CLNK: variants seen among roughly 807,000 people sequenced by gnomAD.
The protein encoded by CLNK is cytokine-dependent hematopoietic cell linker.
CLNK carries 74 observed loss-of-function variants against 68.6 expected under a neutral mutation model. The observed-to-expected ratio is 1.08, with a 90% CI of 0.89 to 1.31. The LOEUF (loss-of-function observed/expected upper bound fraction) is 1.31. Ranked by LOEUF, CLNK falls within the 50% of genes most tolerant of loss-of-function variation. The probability of loss-of-function intolerance (pLI) is 0.00; values close to 1 mark genes in which losing one functional copy is unlikely to be tolerated. For missense variants in CLNK, 553 were observed against 515.3 expected (o/e 1.07, Z -0.71); for synonymous variants, 198 against 172.2 (o/e 1.15, Z -1.17).
chr4:10,563,271 T>G (rs1719969729), intron 7 of CLNK, among the ~76,000 whole-genome samples: 3 of 152,222 alleles, frequency 2.0e-5, no homozygotes, highest in African/African-American at 7.2e-5. Context: ...GTGAAATCCC[T>G]TTTTAAAAAA....
chr4:10,563,210 A>G (rs1463614249), intron 7 of CLNK, among the ~76,000 whole-genome samples: 4 of 152,244 alleles, frequency 2.6e-5, no homozygotes, highest in Non-Finnish European at 4.4e-5. Flanking sequence ...AGGAATATTC[A>G]AAAGCAGGTT....
intron 2 of CLNK, among the ~76,000 whole-genome samples, chr4:10,618,736 C>A (rs1722321245): frequency 6.6e-6 from 1 of 151,912 alleles, no homozygotes; most frequent in Admixed American, 6.5e-5. Flanking sequence ...GAAGCAGGAG[C>A]AGGAAAGAAA....
chr4:10,528,324 G>A (rs1718403282), intron 12 of CLNK, among the ~76,000 whole-genome samples: 1 of 152,050 alleles, frequency 6.6e-6, no homozygotes, highest in Non-Finnish European at 1.5e-5. Context: ...TCGGCTGATG[G>A]GACTATCAAT....
intron 8 of CLNK, among the ~76,000 whole-genome samples, chr4:10,553,026 T>TC (rs1719521681): frequency 2.7e-5 from 4 of 148,104 alleles, no homozygotes; most frequent in Non-Finnish European, 5.9e-5. Flanking sequence ...TGTTCATCGC[T>TC]CCCCCAGGGA....
chr4:10,584,964 G>A lies in CLNK; in HGVS notation c.84-9C>T. The A allele has an allele frequency of 6.2e-7, 1 of 1,613,562 alleles. No homozygotes were observed. The highest frequency in any genetic ancestry group is 1.6e-4 in the Middle Eastern group (1 of 6,062). ...TGATGCGAGGCCATGACCTAGGGCA[G>A]AAAAGAGAACCAAGTTAAATGTCCA... On this transcript the variant is annotated splice_polypyrimidine_tract_variant and intron_variant, in intron 3 of 18. Coordinates refer to ENST00000226951, the MANE Select transcript of CLNK (RefSeq NM_052964.4).
intron 2 of CLNK, among the ~76,000 whole-genome samples, chr4:10,654,784 T>A (rs1723896652): frequency 6.6e-6 from 1 of 152,004 alleles, no homozygotes; most frequent in African/African-American, 2.4e-5. Flanking sequence ...ATTTACAATA[T>A]CATTAAAATA....
chr4:10,618,718 C>CCACGGCAGAAG (rs1361373166), intron 2 of CLNK, among the ~76,000 whole-genome samples: 190 of 152,272 alleles, frequency 1.2e-3, no homozygotes, highest in African/African-American at 4.5e-3. Flanking sequence ...GGCACATCTT[C>CCACGGCAGAAG]CATGGCAGAA....
At position 10,644,812 on chromosome 4, in the gene CLNK, T is replaced by C. The variant is rs1448997741; in HGVS notation, c.11+23047A>G. On this transcript the variant is annotated intron_variant, in intron 2 of 18. Coordinates refer to ENST00000226951, the MANE Select transcript of CLNK (RefSeq NM_052964.4). ...AATTGAGTGAAGTCAGTTTTTCTGC[T>C]GCTTCTCAATTCCTGCCCTGCACTC... Among the ~76,000 whole-genome samples the C allele has an allele frequency of 7.9e-5, 12 of 152,374 alleles. No individual in the cohort carries two copies. In the East Asian group the frequency reaches 2.1e-3, roughly 27 times the overall value.
intron 4 of CLNK, among the ~76,000 whole-genome samples, chr4:10,573,948 C>A (rs988809213): frequency 6.6e-6 from 1 of 152,128 alleles, no homozygotes; most frequent in Non-Finnish European, 1.5e-5. Flanking sequence ...TACTCCAGGC[C>A]ACATCAATCT....
intron 8 of CLNK, among the ~76,000 whole-genome samples, chr4:10,551,889 C>A (rs1719477581): frequency 6.7e-6 from 1 of 149,580 alleles, no homozygotes; most frequent in South Asian, 2.1e-4. Context: ...ACTCTGTCGT[C>A]CAGGCTGGAG....
intron 7 of CLNK, among the ~76,000 whole-genome samples, chr4:10,564,108 T>C (rs1292034145): frequency 3.3e-5 from 5 of 151,358 alleles, no homozygotes; most frequent in African/African-American, 1.2e-4. Context: ...TTTTTTCTTT[T>C]TTTTTTTTTT....
intron 2 of CLNK, among the ~76,000 whole-genome samples, chr4:10,657,065 A>T (rs1724017015): frequency 2.0e-5 from 3 of 152,316 alleles, no homozygotes; most frequent in East Asian, 1.9e-4. Context: ...CAAAGTACAC[A>T]CTATTATTAT....
At chr4:10,665,882 A>G (rs1385058652) in intron 2 of CLNK, among the ~76,000 whole-genome samples, 1 of 152,180 alleles carries the variant, frequency 6.6e-6, no homozygotes, top group Non-Finnish European at 1.5e-5. Context: ...TCGCTTGTGA[A>G]TGTGACCCTG....
Position 10,564,125 on chromosome 4 carries a change from G to C in CLNK, c.399+546C>G, listed in dbSNP as rs557443436. Among the ~76,000 whole-genome samples the C allele has an allele frequency of 9.0e-5, 13 of 143,688 alleles. 1 individual carries two copies. The East Asian group carries it at 2.4e-3, about 27-fold the overall frequency. 94.3% of individuals were successfully genotyped at this position (143,688 alleles called of 152,430 possible). A position where few individuals can be genotyped will look rare whatever the true frequency, so the allele number is the denominator to read the frequency against. ...TTTTCTTTTTTTTTTTTTTTGAGACGGAGTCCCACTCTGTCACCCAGGCTG... is the reference window on the plus strand; with the variant it reads ...TTTTCTTTTTTTTTTTTTTTGAGACCGAGTCCCACTCTGTCACCCAGGCTG... On this transcript the variant is annotated intron_variant, in intron 7 of 18. Coordinates refer to ENST00000226951, the MANE Select transcript of CLNK (RefSeq NM_052964.4).
At chr4:10,514,923 T>C (rs1363935492) in intron 15 of CLNK, among the ~76,000 whole-genome samples, 1 of 152,034 alleles carries the variant, frequency 6.6e-6, no homozygotes, top group Non-Finnish European at 1.5e-5. Context: ...AAACAAACAA[T>C]CCCAGAGTCA....
At chr4:10,667,800 ACCT>A in intron 2 of CLNK, 56 bp downstream of exon 2, 2 of 1,483,524 alleles carry the variant, frequency 1.3e-6, no homozygotes. Flanking sequence ...TCCAGAAAAC[ACCT>A]CCTGTCCCCA....
rs200512987 is a variant in CLNK, at chr4:10,596,809, CTCTG to C, written c.83+1165_83+1168del. 5.2e-3 allele frequency among the ~76,000 whole-genome samples: 795 copies of C among 152,230 alleles called. 6 individuals are homozygous for C. The highest frequency in any genetic ancestry group is 0.018 in the African/African-American group (747 of 41,554). ...TGCTTCAGAAAAAAGCACTGCTCTT[CTCTG>C]TCTGTCTTTTTTCCTCCAAATGTAA... On this transcript the variant is annotated intron_variant, in intron 3 of 18. Coordinates refer to ENST00000226951, the MANE Select transcript of CLNK (RefSeq NM_052964.4).
At position 10,650,993 on chromosome 4, in the gene CLNK, T is replaced by G. The variant is rs189037450; in HGVS notation, c.11+16866A>C. ...CTTAGAGATATGCAAATCAAAACCATAATGTGATACCATCTCACATCAGTG... is the reference window on the plus strand; with the variant it reads ...CTTAGAGATATGCAAATCAAAACCAGAATGTGATACCATCTCACATCAGTG... On this transcript the variant is annotated intron_variant, in intron 2 of 18. Coordinates refer to ENST00000226951, the MANE Select transcript of CLNK (RefSeq NM_052964.4). 1.6e-4 allele frequency among the ~76,000 whole-genome samples: 24 copies of G among 152,192 alleles called. No individual in the cohort carries two copies. The East Asian group carries it at 4.4e-3, about 28-fold the overall frequency.
At chr4:10,618,522 T>A (rs1184259664) in intron 2 of CLNK, among the ~76,000 whole-genome samples, 1 of 152,228 alleles carries the variant, frequency 6.6e-6, no homozygotes, top group Admixed American at 6.5e-5. Flanking sequence ...TTATATGACA[T>A]GTAAAATATG....
Sources: gnomAD v4.1 joint callset for allele counts (sites outside exome capture counted in the v4.1 genomes callset) on GRCh38, gnomAD v4.1.1 for gene constraint, MANE v1.5 for transcripts, NCBI Gene and HGNC (gene_info 2026-07-23, HGNC 2026-07-21) for gene names.